Variants in GRIK4 observed in about 807,000 individuals in gnomAD.
GRIK4 encodes glutamate ionotropic receptor kainate type subunit 4, also known as glutamate receptor ionotropic, kainate 4.
In GRIK4, 40 loss-of-function variants were observed where a neutral mutation model predicts 104.9. The ratio of observed to expected loss-of-function variants is 0.38; its 90% confidence interval spans 0.30 to 0.50. GRIK4 has a LOEUF of 0.50. Ranked by LOEUF, GRIK4 falls within the 20% of genes least tolerant of loss-of-function variation. GRIK4 has a pLI of 0.93. For synonymous variants in GRIK4, 485 were observed against 524.9 expected, an observed-to-expected ratio of 0.92 and a Z score of 1.04; for missense variants, 1,047 against 1,308.1, an observed-to-expected ratio of 0.80 and a Z score of 3.08.
At chr11:120,787,192 A>G (rs1249222202) in intron 3 of GRIK4, among the ~76,000 whole-genome samples, 1 of 151,714 alleles carries the variant, frequency 6.6e-6, no homozygotes, top group East Asian at 1.9e-4. Flanking sequence ...TTAGCCAGTC[A>G]TGGTGGTGCT....
At chr11:120,884,333 A>G (rs1045736466) in intron 11 of GRIK4, among the ~76,000 whole-genome samples, 32 of 152,224 alleles carry the variant, frequency 2.1e-4, no homozygotes, top group African/African-American at 7.0e-4. Flanking sequence ...CTATCTATGT[A>G]TCTGTCTATC....
chr11:120,882,539 G>T (rs974248389), intron 11 of GRIK4, among the ~76,000 whole-genome samples: 1 of 152,206 alleles, frequency 6.6e-6, no homozygotes, highest in African/African-American at 2.4e-5. Context: ...CGGCAGATCC[G>T]GGTGGAGGGA....
rs1948566468 is a variant in GRIK4, at chr11:120,580,534, TGGGATTACA to T, written c.-159+68650_-159+68658del. Among the ~76,000 whole-genome samples the T allele has an allele frequency of 2.6e-5, 4 of 151,400 alleles. No homozygotes were observed. The South Asian group carries it at 6.3e-4, about 24-fold the overall frequency. On this transcript the variant is annotated intron_variant, in intron 1 of 20. Transcript: ENST00000527524. ...CAGTGATCTGTTCTTACCAAAGTGC[TGGGATTACA>T]GGTGTGAGCCACCATGCCTGGCCTC...
intron 3 of GRIK4, among the ~76,000 whole-genome samples, chr11:120,754,929 T>C (rs1218787583): frequency 6.6e-6 from 1 of 152,226 alleles, no homozygotes; most frequent in Admixed American, 6.5e-5. Context: ...TATAACCCCT[T>C]ATCATTTATA....
At chr11:120,842,253 C>A (rs1459521016) in intron 8 of GRIK4, among the ~76,000 whole-genome samples, 1 of 152,190 alleles carries the variant, frequency 6.6e-6, no homozygotes, top group Non-Finnish European at 1.5e-5. Context: ...TTATTCAAGG[C>A]CCCAGTCTTC....
rs780864198 is a variant in GRIK4, at chr11:120,819,950, G to A, written c.511+30G>A. 6 of 1,609,300 alleles carry A rather than the reference G, an allele frequency of 3.7e-6. No individual in the cohort carries two copies. The African/African-American group carries it at 6.7e-5, about 18-fold the overall frequency. On this transcript the variant is annotated intron_variant, in intron 6 of 20. Transcript: ENST00000527524. This position sits in a 1 kb window ranked among gnomAD's most constrained non-coding sequence, Gnocchi z 4.3. Reference sequence around the variant, plus strand: ...GTTTCCCCAGGCTGGCTCTGCCCCAGACAGTCCAGTCTTGTTGATTTTGCC... The same window carrying A: ...GTTTCCCCAGGCTGGCTCTGCCCCAAACAGTCCAGTCTTGTTGATTTTGCC...
Position 120,953,160 on chromosome 11 carries a change from A to G in GRIK4, c.1700+196A>G, listed in dbSNP as rs1944048906. Among the ~76,000 whole-genome samples the G allele has an allele frequency of 6.6e-6, 1 of 151,830 alleles. No homozygotes were observed. Among genetic ancestry groups the G allele is most frequent in the Admixed American group, 6.6e-5 (1 of 15,250 alleles). Reference sequence around the variant, plus strand: ...GCTGTCGACCTCATGCTGCCCATCCAAACATTCCCCACTGTGCACGACGCA... The same window carrying G: ...GCTGTCGACCTCATGCTGCCCATCCGAACATTCCCCACTGTGCACGACGCA... On this transcript the variant is annotated intron_variant, in intron 15 of 20. Transcript: ENST00000527524. This position sits in a 1 kb window ranked among gnomAD's most constrained non-coding sequence, Gnocchi z 4.9.
chr11:120,573,645 C>T (rs1472222951), intron 1 of GRIK4, among the ~76,000 whole-genome samples: 1 of 152,208 alleles, frequency 6.6e-6, no homozygotes, highest in African/African-American at 2.4e-5. Context: ...CGAGGGCTGG[C>T]AAGACACATG....
chr11:120,791,364 T>A (rs1338626805), intron 3 of GRIK4, among the ~76,000 whole-genome samples: 1 of 152,250 alleles, frequency 6.6e-6, no homozygotes, highest in African/African-American at 2.4e-5. Context: ...CTAATAATGT[T>A]GGACATATTT....
intron 16 of GRIK4, 24 bp from the exon 17 acceptor site, chr11:120,960,885 A>T: frequency 6.2e-7 from 1 of 1,603,096 alleles, no homozygotes; most frequent in South Asian, 1.1e-5. Context: ...GGCAATGATG[A>T]CTTCCTCGTC....
intron 1 of GRIK4, among the ~76,000 whole-genome samples, chr11:120,538,130 C>T (rs545456298): frequency 1.3e-5 from 2 of 152,252 alleles, no homozygotes; most frequent in Non-Finnish European, 2.9e-5. Context: ...TGCTTGCTTT[C>T]CGGCCTGACC....
intron 4 of GRIK4, among the ~76,000 whole-genome samples, chr11:120,803,371 T>G (rs1952657071): frequency 6.6e-6 from 1 of 152,246 alleles, no homozygotes; most frequent in Admixed American, 6.5e-5. Context: ...TTCTACATCT[T>G]TAAAATAGGA....
intron 20 of GRIK4, 44 bp from the exon 21 acceptor site, chr11:120,985,854 CCACGGG>C (rs1944733559): frequency 6.5e-7 from 1 of 1,534,594 alleles, no homozygotes. Flanking sequence ...CGCAGGGGGC[CCACGGG>C]GGCTGGTTGA....
At position 120,758,374 on chromosome 11, in the gene GRIK4, T is replaced by C. The variant is rs141148357; in HGVS notation, c.83-44319T>C. ...CCCTAAGCCAGTAGGTTTCATAAAC[T>C]TTTTTTTCTTTTTTTCCAGCTCTAG... is the stretch of plus-strand genomic sequence containing the variant. On this transcript the variant is annotated intron_variant, in intron 3 of 20. Transcript: ENST00000527524. 8.6e-3 allele frequency among the ~76,000 whole-genome samples: 1,305 copies of C among 152,216 alleles called. 23 individuals carry two copies. The highest frequency in any genetic ancestry group is 0.029 in the African/African-American group (1,225 of 41,538).
intron 3 of GRIK4, among the ~76,000 whole-genome samples, chr11:120,708,826 A>C (rs1950674222): frequency 6.6e-6 from 1 of 152,024 alleles, no homozygotes; most frequent in African/African-American, 2.4e-5. Flanking sequence ...CTGCACAGAG[A>C]CACTTCTCTT....
chr11:120,951,580 A>G (rs1944001926), intron 14 of GRIK4, among the ~76,000 whole-genome samples: 1 of 152,226 alleles, frequency 6.6e-6, no homozygotes, highest in South Asian at 2.1e-4. Context: ...TTTCAGTCCT[A>G]TCCATGGACT....
chr11:120,728,169 T>C (rs1410897598), intron 3 of GRIK4, among the ~76,000 whole-genome samples: 1 of 152,132 alleles, frequency 6.6e-6, no homozygotes, highest in African/African-American at 2.4e-5. Context: ...ACTTTGGACA[T>C]CTAAGCTAAA....
chr11:120,565,209 G>T (rs904317393), intron 1 of GRIK4, among the ~76,000 whole-genome samples: 2 of 152,228 alleles, frequency 1.3e-5, no homozygotes, highest in South Asian at 2.1e-4. Context: ...CGCCACGCGG[G>T]ACTGCCTGCC....
At chr11:120,936,985 G>A (rs1433465905) in intron 13 of GRIK4, among the ~76,000 whole-genome samples, 2 of 152,014 alleles carry the variant, frequency 1.3e-5, no homozygotes, top group Non-Finnish European at 2.9e-5. Flanking sequence ...TACTAGTTTG[G>A]TTTCATGGCA....
Sources: allele counts gnomAD v4.1 joint callset (sites outside exome capture counted in the v4.1 genomes callset), GRCh38; gene constraint gnomAD v4.1.1; non-coding constraint Gnocchi (gnomAD v3.1); transcripts MANE v1.5; gene names NCBI Gene and HGNC (gene_info 2026-07-23, HGNC 2026-07-21).